MAGI2: variants seen among roughly 807,000 people sequenced by gnomAD.
MAGI2 encodes the protein membrane associated guanylate kinase, WW and PDZ domain containing 2, also known as membrane-associated guanylate kinase, WW and PDZ domain-containing protein 2.
In MAGI2, 35 loss-of-function variants were observed where a neutral mutation model predicts 133.3. The ratio of observed to expected loss-of-function variants is 0.26; its 90% confidence interval spans 0.20 to 0.35. MAGI2 has a LOEUF of 0.35. Ranked by LOEUF, MAGI2 falls within the 10% of genes least tolerant of loss-of-function variation. The probability of loss-of-function intolerance (pLI) is 1.00; values close to 1 mark genes in which losing one functional copy is unlikely to be tolerated. For synonymous variants in MAGI2, 729 were observed against 710.6 expected (o/e 1.03, Z -0.41); for missense variants, 1,636 against 1,863.4 (o/e 0.88, Z 2.25).
At chr7:78,774,962 C>T (rs758455391) in intron 2 of MAGI2, among the ~76,000 whole-genome samples, 1 of 152,094 alleles carries the variant, frequency 6.6e-6, no homozygotes, top group Non-Finnish European at 1.5e-5. Context: ...ATCCATTTTA[C>T]TAGTCAGTAG....
chr7:78,076,088 C>T (rs1380275560), intron 21 of MAGI2, among the ~76,000 whole-genome samples: 1 of 152,168 alleles, frequency 6.6e-6, no homozygotes, highest in African/African-American at 2.4e-5. Context: ...ATTTAATGTT[C>T]CACTTTAGAA....
At chr7:78,601,628 G>T (rs79560645) in intron 3 of MAGI2, among the ~76,000 whole-genome samples, 2 of 152,114 alleles carry the variant, frequency 1.3e-5, no homozygotes, top group Non-Finnish European at 2.9e-5. Context: ...CTGGAGGATA[G>T]AGGAATTTGT....
intron 6 of MAGI2, among the ~76,000 whole-genome samples, chr7:78,446,932 T>C (rs964683481): frequency 6.6e-5 from 10 of 152,104 alleles, no homozygotes; most frequent in African/African-American, 9.7e-5. Flanking sequence ...CAATCAACTG[T>C]GGCCCGTTTA....
At chr7:79,295,746 G>A (rs368172402) in intron 1 of MAGI2, among the ~76,000 whole-genome samples, 1 of 151,956 alleles carries the variant, frequency 6.6e-6, no homozygotes, top group Non-Finnish European at 1.5e-5. Flanking sequence ...TGTATCCGCA[G>A]TGACTAGCAT....
At chr7:78,769,937 A>G (rs1474080243) in intron 2 of MAGI2, among the ~76,000 whole-genome samples, 2 of 151,780 alleles carry the variant, frequency 1.3e-5, no homozygotes, top group Non-Finnish European at 2.9e-5. Flanking sequence ...GTCAAAGGGG[A>G]AAAAAAAGAG....
At chr7:79,114,120 A>T (rs1248975387) in intron 1 of MAGI2, among the ~76,000 whole-genome samples, 1 of 152,126 alleles carries the variant, frequency 6.6e-6, no homozygotes, top group Non-Finnish European at 1.5e-5. Flanking sequence ...TTCAGTAAAA[A>T]TGGGGTCTAA....
At chr7:79,032,129 G>A (rs1331836568) in intron 1 of MAGI2, among the ~76,000 whole-genome samples, 3 of 152,090 alleles carry the variant, frequency 2.0e-5, no homozygotes, top group Admixed American at 2.0e-4. Context: ...AAAATGGATG[G>A]CAAATGCAAT....
intron 1 of MAGI2, among the ~76,000 whole-genome samples, chr7:79,302,682 C>A (rs1380619109): frequency 1.3e-5 from 2 of 152,152 alleles, no homozygotes; most frequent in African/African-American, 4.8e-5. Flanking sequence ...TTAGGGTCAA[C>A]AAAATCAGTT....
chr7:79,114,311 A>T (rs980489576), intron 1 of MAGI2, among the ~76,000 whole-genome samples: 8 of 152,186 alleles, frequency 5.3e-5, no homozygotes, highest in African/African-American at 1.9e-4. Flanking sequence ...TGATCTCTTT[A>T]ATGGATATTG....
At chr7:78,443,639 A>C (rs1405570852) in intron 6 of MAGI2, among the ~76,000 whole-genome samples, 1 of 152,090 alleles carries the variant, frequency 6.6e-6, no homozygotes, top group Non-Finnish European at 1.5e-5. Context: ...TCTTTTCTAG[A>C]GGAAAATCAC....
chr7:79,044,205 A>G (rs1333949734), intron 1 of MAGI2, among the ~76,000 whole-genome samples: 1 of 152,248 alleles, frequency 6.6e-6, no homozygotes, highest in East Asian at 1.9e-4. Flanking sequence ...TCCCAAATAC[A>G]GCAGCACATA....
intron 2 of MAGI2, among the ~76,000 whole-genome samples, chr7:78,927,469 C>T (rs1027153358): frequency 4.0e-5 from 6 of 151,840 alleles, no homozygotes; most frequent in Admixed American, 6.6e-5. Context: ...ATTCAGTGAA[C>T]GTCATTTTCT....
At chr7:78,050,905 C>G (rs936997849) in intron 21 of MAGI2, among the ~76,000 whole-genome samples, 4 of 152,142 alleles carry the variant, frequency 2.6e-5, no homozygotes, top group Admixed American at 1.3e-4. Context: ...AGCAGCAACC[C>G]CCTGTTGAAG....
chr7:79,390,340 G>A (rs1263371198), intron 1 of MAGI2, among the ~76,000 whole-genome samples: 3 of 152,240 alleles, frequency 2.0e-5, no homozygotes, highest in East Asian at 1.9e-4. Flanking sequence ...CTTTACCCAA[G>A]TATAATCTTC....
intron 10 of MAGI2, among the ~76,000 whole-genome samples, chr7:78,246,568 T>C (rs1336307380): frequency 2.0e-5 from 3 of 152,030 alleles, no homozygotes; most frequent in Non-Finnish European, 4.4e-5. Flanking sequence ...AACCCTTCAC[T>C]GGGGAGTAAA....
At chr7:78,940,063 T>C (rs1348071310) in intron 2 of MAGI2, among the ~76,000 whole-genome samples, 3 of 152,180 alleles carry the variant, frequency 2.0e-5, no homozygotes, top group Admixed American at 6.5e-5. Flanking sequence ...CTCATCCCCA[T>C]GTGTGCCATG....
intron 1 of MAGI2, among the ~76,000 whole-genome samples, chr7:79,287,487 T>A (rs1475275892): frequency 6.6e-6 from 1 of 152,110 alleles, no homozygotes; most frequent in African/African-American, 2.4e-5. Flanking sequence ...ACTATTAACC[T>A]AAAGAATCAA....
At chr7:78,237,186 A>G (rs1269822445) in intron 10 of MAGI2, among the ~76,000 whole-genome samples, 1 of 152,198 alleles carries the variant, frequency 6.6e-6, no homozygotes, top group Non-Finnish European at 1.5e-5. Context: ...GTATTTAGAA[A>G]TGGCCAACAG....
chr7:79,293,623 T>A (rs1414657647), intron 1 of MAGI2, among the ~76,000 whole-genome samples: 1 of 152,188 alleles, frequency 6.6e-6, no homozygotes, highest in African/African-American at 2.4e-5. Context: ...ACAATGACAT[T>A]ATAAGGTATG....
Sources: allele counts gnomAD v4.1 joint callset (sites outside exome capture counted in the v4.1 genomes callset), GRCh38; gene constraint gnomAD v4.1.1; transcripts MANE v1.5; gene names NCBI Gene and HGNC (gene_info 2026-07-23, HGNC 2026-07-21).